MAN1B1: variants seen among roughly 807,000 people sequenced by gnomAD.
MAN1B1 encodes the protein mannosidase alpha class 1B member 1, also known as endoplasmic reticulum mannosyl-oligosaccharide 1,2-alpha-mannosidase.
MAN1B1 carries 66 observed loss-of-function variants against 75.5 expected under a neutral mutation model. The ratio of observed to expected loss-of-function variants is 0.87; its 90% CI spans 0.72 to 1.07. The LOEUF (loss-of-function observed/expected upper bound fraction) is 1.07. Among genes scored for constraint, MAN1B1 ranks in the 50% least tolerant of loss-of-function variants. The probability of loss-of-function intolerance (pLI) is 0.00; values close to 1 mark genes in which losing one functional copy is unlikely to be tolerated. For synonymous variants in MAN1B1, 453 were observed against 382.8 expected, an observed-to-expected ratio of 1.18 and a Z score of -2.14; for missense variants, 973 against 912.5, an observed-to-expected ratio of 1.07 and a Z score of -0.85.
At chr9:137,099,312 G>A (rs564566603) in intron 5 of MAN1B1, among the ~76,000 whole-genome samples, 1 of 152,370 alleles carries the variant, frequency 6.6e-6, no homozygotes, top group East Asian at 1.9e-4. Flanking sequence ...CGTCTCCACA[G>A]GCTGTGCTCA....
intron 8 of MAN1B1, chr9:137,103,047 C>G: frequency 2.1e-5 from 9 of 426,112 alleles, no homozygotes; most frequent in South Asian, 1.4e-4. Flanking sequence ...CACACTGTTG[C>G]AGGCGTGCAG....
In MAN1B1 at chr9:137,089,000, T is replaced by C. The variant is rs1310858615; in HGVS notation, c.460T>C (p.Ser154Pro). The C allele has an allele frequency of 1.2e-6, 2 of 1,613,844 alleles. No homozygotes were observed. Among genetic ancestry groups the C allele is most frequent in the East Asian group, 4.5e-5 (2 of 44,900 alleles). ...TDPENLPEIS[S>P]QKTQRHIQRG... ...CCCTGAGAACTTACCTGAGATTTCG[T>C]CACAGGTACTTTGAGCAAATGGTGT... is the stretch of plus-strand genomic sequence containing the variant. The change falls in exon 3 of 13, where the codon TCA becomes CCA. Residue 154 changes from serine to proline, a missense_variant. Physicochemically the swap from Ser to Pro is moderately conservative, Grantham distance 74. Coordinates refer to ENST00000371589, the MANE Select transcript of MAN1B1 (RefSeq NM_016219.5).
Position 137,106,877 on chromosome 9 carries a change from T to C in MAN1B1, c.1566+68T>C, listed in dbSNP as rs147327609. 4,081 of 1,517,788 alleles carry C rather than the reference T, an allele frequency of 2.7e-3. 87 individuals are homozygous for C. In the African/African-American group the frequency reaches 0.077, roughly 29 times the overall value. The allele number at this position is 1,517,788 out of a possible 1,614,324, so 94.0% of individuals were successfully genotyped here. A position where few individuals can be genotyped will look rare whatever the true frequency, so the allele number is the denominator to read the frequency against. ...CTTGGCTTCCAAGGTGCCTGAGTCA[T>C]GATGTCAAAAAGAACGAAATCCTGG... On this transcript the variant is annotated intron_variant, in intron 10 of 12. Coordinates refer to ENST00000371589, the MANE Select transcript of MAN1B1 (RefSeq NM_016219.5).
At chr9:137,088,349 G>T in intron 2 of MAN1B1, 166 bp downstream of exon 2, 1 of 1,596,060 alleles carries the variant, frequency 6.3e-7, no homozygotes, top group Non-Finnish European at 8.5e-7. Context: ...CACCTGGCTA[G>T]AACACAGATG....
chr9:137,087,315 C>T, intron 1 of MAN1B1, 97 bp downstream of exon 1: 1 of 1,352,516 alleles, frequency 7.4e-7, no homozygotes, highest in Non-Finnish European at 1.0e-6. Context: ...GCGGACTCGA[C>T]TCCCCAGGCG....
intron 3 of MAN1B1, among the ~76,000 whole-genome samples, chr9:137,090,158 C>T (rs1830479735): frequency 6.6e-6 from 1 of 152,130 alleles, no homozygotes. Context: ...TCAGGAAGAA[C>T]AGCCAAATCC....
Position 137,107,339 on chromosome 9 carries a change from C to A in MAN1B1, c.1656C>A (p.Leu552=). The A allele has an allele frequency of 6.2e-7, 1 of 1,613,326 alleles. No homozygotes were observed. Among genetic ancestry groups the A allele is most frequent in the South Asian group, 1.1e-5 (1 of 91,084 alleles). Residue 552 remains leucine (L), a synonymous_variant, in exon 11 of 13, where the codon CTC becomes CTA. Coordinates refer to ENST00000371589, the MANE Select transcript of MAN1B1 (RefSeq NM_016219.5). ...PASHMELAQE[L]METCYQMNRQ... is the part of the protein sequence containing the mutation. ...GCCACATGGAGCTGGCCCAGGAGCT[C>A]ATGGAGACTTGTTACCAGATGAACC...
At chr9:137,106,564 CA>C in intron 9 of MAN1B1, 124 bp from the exon 10 acceptor site, 1 of 1,485,336 alleles carries the variant, frequency 6.7e-7, no homozygotes, top group Non-Finnish European at 9.3e-7. Context: ...TGCAGGGTGG[CA>C]CCTTCTGTCC....
intron 8 of MAN1B1, chr9:137,102,645 C>G (rs531855914): frequency 2.3e-6 from 1 of 440,892 alleles, no homozygotes; most frequent in East Asian, 7.4e-5. Context: ...CACGCTGTTG[C>G]TGGCGTGCAG....
At chr9:137,106,635 C>T (rs1831118391) in intron 9 of MAN1B1, 54 bp from the exon 10 acceptor site, 1 of 1,611,498 alleles carries the variant, frequency 6.2e-7, no homozygotes, top group African/African-American at 1.3e-5. Flanking sequence ...CCTGGTGCCC[C>T]ACGGGAGCCG....
chr9:137,093,337 G>A (rs563693886), intron 3 of MAN1B1, among the ~76,000 whole-genome samples: 2 of 152,162 alleles, frequency 1.3e-5, no homozygotes, highest in Non-Finnish European at 2.9e-5. Context: ...AGCGGAGTTC[G>A]CACCACTGCA....
Position 137,103,727 on chromosome 9 carries a change from C to A in MAN1B1, c.1254+2055C>A, listed in dbSNP as rs1339628400. 3 of 421,536 alleles carry A rather than the reference C, an allele frequency of 7.1e-6. No homozygotes were observed. In the East Asian group the frequency reaches 2.3e-4, roughly 32 times the overall value. 26.1% of individuals were successfully genotyped at this position (421,536 alleles called of 1,614,324 possible). A position where few individuals can be genotyped will look rare whatever the true frequency, so the allele number is the denominator to read the frequency against. On this transcript the variant is annotated intron_variant, in intron 8 of 12. Transcript: ENST00000371589. ...GCAGGCGTGCAGGTCCGTGGTGTTA[C>A]ACACATGCTGTTGCAGGCGTGCAGG...
intron 5 of MAN1B1, among the ~76,000 whole-genome samples, chr9:137,098,366 C>T (rs191602945): frequency 1.9e-3 from 295 of 152,322 alleles, no homozygotes; most frequent in African/African-American, 6.8e-3. Context: ...CTCATGACAC[C>T]CTCTGACACG....
chr9:137,102,544 G>A (rs1830885304), intron 8 of MAN1B1: 6 of 423,270 alleles, frequency 1.4e-5, no homozygotes, highest in Non-Finnish European at 2.9e-5. Flanking sequence ...GCAGGTCGGT[G>A]GTGTTACACA....
In MAN1B1 at chr9:137,101,028, G is replaced by A. The variant is rs1830793326; in HGVS notation, c.940G>A (p.Val314Met). The change falls in exon 7 of 13, where the codon GTG becomes ATG. Residue 314 changes from valine (V) to methionine (M), a missense_variant. Transcript: ENST00000371589. ...AGAATTTGAGGAAGCCAGGAAGTGG[G>A]TGTCGAAGAAGTTACACTTTGAAAA... The part of the protein sequence containing the change: ...RKEFEEARKW[V>M]SKKLHFEKDV... The A allele has an allele frequency of 1.2e-6, 2 of 1,614,212 alleles. No individual in the cohort carries two copies. The highest frequency in any genetic ancestry group is 1.1e-5 in the South Asian group (1 of 91,088).
At chr9:137,106,059 C>T (rs760747457) in intron 8 of MAN1B1, 66 bp from the exon 9 acceptor site, 2 of 1,289,450 alleles carry the variant, frequency 1.6e-6, no homozygotes, top group East Asian at 2.3e-5. Flanking sequence ...CTCACAGAGC[C>T]CCTCTACAGC....
chr9:137,088,223 G>C, intron 2 of MAN1B1, 40 bp downstream of exon 2: 1 of 1,614,036 alleles, frequency 6.2e-7, no homozygotes, highest in Admixed American at 1.7e-5. Context: ...TATCTGTGTT[G>C]AGGGTTGATT....
intron 3 of MAN1B1, among the ~76,000 whole-genome samples, chr9:137,093,569 G>A (rs1170570374): frequency 3.3e-5 from 5 of 152,068 alleles, no homozygotes; most frequent in Non-Finnish European, 5.9e-5. Context: ...AGTGGCTCAC[G>A]CCTGTAATCC....
chr9:137,094,171 C>T (rs958454469), intron 3 of MAN1B1, among the ~76,000 whole-genome samples: 9 of 151,740 alleles, frequency 5.9e-5, no homozygotes, highest in South Asian at 2.1e-4. Flanking sequence ...TGTGCCACCA[C>T]GCCCGGCTAA....
Sources: gnomAD v4.1 joint callset for allele counts (sites outside exome capture counted in the v4.1 genomes callset) on GRCh38, gnomAD v4.1.1 for gene constraint, MANE v1.5 for transcripts, NCBI Gene and HGNC (gene_info 2026-07-23, HGNC 2026-07-21) for gene names.